Variants in PCDHA2 observed in about 807,000 individuals in gnomAD.
PCDHA2 encodes protocadherin alpha-2.
In PCDHA2, 58 loss-of-function variants were observed where a neutral mutation model predicts 66.0. The ratio of observed to expected loss-of-function variants is 0.88; its 90% CI spans 0.71 to 1.09. The LOEUF (loss-of-function observed/expected upper bound fraction) is 1.09, where lower values mean the gene tolerates loss of function less well. Ranked by LOEUF, PCDHA2 falls within the 50% of genes least tolerant of loss-of-function variation. PCDHA2 has a pLI of 0.00. For missense variants in PCDHA2, 1,267 were observed against 1,242.3 expected, an observed-to-expected ratio of 1.02 and a Z score of -0.30; for synonymous variants, 634 against 554.0, an observed-to-expected ratio of 1.14 and a Z score of -2.03.
At chr5:140,987,444 C>T (rs2097254283) in intron 3 of PCDHA2, among the ~76,000 whole-genome samples, 2 of 151,998 alleles carry the variant, frequency 1.3e-5, no homozygotes, top group Admixed American at 6.6e-5. Flanking sequence ...TCCCCATGCC[C>T]GAGAGATAAT....
chr5:140,943,129 G>T (rs2093422146), intron 1 of PCDHA2, among the ~76,000 whole-genome samples: 1 of 151,684 alleles, frequency 6.6e-6, no homozygotes, highest in South Asian at 2.1e-4. Flanking sequence ...GTGGTAGTGG[G>T]TGCCTGTAGT....
chr5:140,868,748 T>C (rs991826043), intron 1 of PCDHA2: 2 of 213,606 alleles, frequency 9.4e-6, no homozygotes, highest in Non-Finnish European at 1.9e-5. Context: ...ACAATGCCAT[T>C]TCCATATATA....
rs552517946 is a variant in PCDHA2 at position 140,913,359 on chromosome 5, A to G, written c.2389-65590A>G. Reference sequence around the variant, plus strand: ...TTTATCCATTTCCTCTAGATTTTTAAATTTATTGGCATATAGTGGCTCATC... The same window carrying G: ...TTTATCCATTTCCTCTAGATTTTTAGATTTATTGGCATATAGTGGCTCATC... On this transcript the variant is annotated intron_variant, in intron 1 of 3. Coordinates refer to ENST00000526136, the MANE Select transcript of PCDHA2 (RefSeq NM_018905.3). Among the ~76,000 whole-genome samples, 4 of 152,082 alleles carry G rather than the reference A, an allele frequency of 2.6e-5. No homozygotes were observed. In the East Asian group the frequency reaches 7.7e-4, roughly 29 times the overall value.
At chr5:140,875,979 C>T in intron 1 of PCDHA2, 5 of 1,613,984 alleles carry the variant, frequency 3.1e-6, no homozygotes, top group Non-Finnish European at 4.2e-6. Context: ...CTCTTTTGAC[C>T]TATGCGTTAA....
At position 140,871,554 on chromosome 5, in the gene PCDHA2, T is replaced by G. The variant is rs1554165730; in HGVS notation, c.2388+74202T>G. On this transcript the variant is annotated intron_variant, in intron 1 of 3. Transcript: ENST00000526136. The stretch of plus-strand genomic sequence containing the variant: ...GTATGTGAAATTATTTAAAATCCAG[T>G]TTTTTTTCACGGATTTTTTAAGGGA... 18 of 1,487,284 alleles carry G rather than the reference T, an allele frequency of 1.2e-5. 1 individual carries two copies. The highest frequency in any genetic ancestry group is 1.8e-4 in the Middle Eastern group (1 of 5,534). The allele number at this position is 1,487,284 out of a possible 1,614,324, so 92.1% of individuals were successfully genotyped here.
chr5:140,844,367 A>C (rs1220676752), intron 1 of PCDHA2, among the ~76,000 whole-genome samples: 1 of 149,478 alleles, frequency 6.7e-6, no homozygotes, highest in Non-Finnish European at 1.5e-5. Context: ...GAGATTTGTA[A>C]TCCTTCTTTT....
intron 1 of PCDHA2, chr5:140,968,839 T>C (rs1426943047): frequency 1.3e-5 from 21 of 1,614,052 alleles, no homozygotes; most frequent in Non-Finnish European, 1.7e-5. Flanking sequence ...TCCCTGACAC[T>C]CAGAGGCATG....
chr5:140,945,635 T>C (rs1200996842), intron 1 of PCDHA2, among the ~76,000 whole-genome samples: 1 of 152,024 alleles, frequency 6.6e-6, no homozygotes, highest in Admixed American at 6.5e-5. Context: ...ATAAAAGACA[T>C]GTAGACCAAT....
At chr5:140,835,655 G>A (rs1554135164) in intron 1 of PCDHA2, 2 of 1,613,800 alleles carry the variant, frequency 1.2e-6, no homozygotes, top group Non-Finnish European at 8.5e-7. Context: ...ATGAGCTGGT[G>A]GTTACCGCGC....
Position 140,828,362 on chromosome 5 carries a change from G to C in PCDHA2, c.2388+31010G>C, listed in dbSNP as rs1341252383. The C allele has an allele frequency of 3.7e-6, 6 of 1,614,228 alleles. No individual in the cohort carries two copies. Among genetic ancestry groups the C allele is most frequent in the East Asian group, 4.5e-5 (2 of 44,886 alleles). On this transcript the variant is annotated intron_variant, in intron 1 of 3. Coordinates refer to ENST00000526136, the MANE Select transcript of PCDHA2 (RefSeq NM_018905.3). ...CATTTTGTTTGTGAATTCTCGGATC[G>C]ACCGCGAGGAGCTGTGCGGGCGGAG...
At chr5:140,925,349 A>G (rs4912732) in intron 1 of PCDHA2, among the ~76,000 whole-genome samples, 5,885 of 152,152 alleles carry the variant, frequency 0.039, 171 homozygotes, top group Non-Finnish European at 0.058. Flanking sequence ...TTGAGTGAGG[A>G]ATTTAGTGCT....
At chr5:140,925,787 C>T (rs972978659) in intron 1 of PCDHA2, among the ~76,000 whole-genome samples, 2 of 152,040 alleles carry the variant, frequency 1.3e-5, no homozygotes, top group Admixed American at 6.6e-5. Context: ...TAATGAGTAT[C>T]TCAGTACTTT....
intron 1 of PCDHA2, chr5:140,828,162 G>A (rs1769562781): frequency 2.5e-6 from 4 of 1,614,172 alleles, no homozygotes; most frequent in Non-Finnish European, 3.4e-6. Context: ...CTCGCAGCCT[G>A]GAAGGTGGGG....
chr5:141,009,303 T>A (rs1040786824), intron 3 of PCDHA2, among the ~76,000 whole-genome samples: 16 of 152,050 alleles, frequency 1.1e-4, no homozygotes, highest in East Asian at 1.9e-4. Flanking sequence ...AAATTTTTTT[T>A]AAAAAGCTAG....
At chr5:141,000,120 C>G (rs1554257146) in intron 3 of PCDHA2, among the ~76,000 whole-genome samples, 1 of 152,052 alleles carries the variant, frequency 6.6e-6, no homozygotes, top group African/African-American at 2.4e-5. Flanking sequence ...CCCTCATCCC[C>G]AAGGCTTCAC....
chr5:140,876,155 T>C lies in PCDHA2; in HGVS notation c.2388+78803T>C, dbSNP rs1554168308. Reference sequence around the variant, plus strand: ...CCAGAACTAACAGGGTCTGTCCAGATTCAAATAACCGTCCTGGATGTGAAT... The same window carrying C: ...CCAGAACTAACAGGGTCTGTCCAGACTCAAATAACCGTCCTGGATGTGAAT... On this transcript the variant is annotated intron_variant, in intron 1 of 3. Coordinates refer to ENST00000526136, the MANE Select transcript of PCDHA2 (RefSeq NM_018905.3). 3 of 1,613,994 alleles carry C rather than the reference T, an allele frequency of 1.9e-6. No homozygotes were observed. Among genetic ancestry groups the C allele is most frequent in the Admixed American group, 3.3e-5 (2 of 60,026 alleles).
intron 1 of PCDHA2, among the ~76,000 whole-genome samples, chr5:140,977,234 A>G (rs2096751203): frequency 1.3e-5 from 2 of 152,242 alleles, no homozygotes; most frequent in Non-Finnish European, 2.9e-5. Flanking sequence ...CCAATCATAG[A>G]AAAATTGGCA....
intron 1 of PCDHA2, chr5:140,876,999 G>C: frequency 6.2e-7 from 1 of 1,612,546 alleles, no homozygotes; most frequent in Non-Finnish European, 8.5e-7. Flanking sequence ...GCTACGTGTC[G>C]GTGCACGCGG....
At chr5:141,008,863 C>A (rs902385521) in intron 3 of PCDHA2, among the ~76,000 whole-genome samples, 2 of 152,204 alleles carry the variant, frequency 1.3e-5, no homozygotes, top group African/African-American at 2.4e-5. Flanking sequence ...CTCTTCCATG[C>A]TGCATCCCAC....
Sources: allele counts gnomAD v4.1 joint callset (sites outside exome capture counted in the v4.1 genomes callset), GRCh38; gene constraint gnomAD v4.1.1; transcripts MANE v1.5; gene names NCBI Gene and HGNC (gene_info 2026-07-23, HGNC 2026-07-21).